The following ALPK1 variants were observed in gnomAD, a reference collection of about 807,000 sequenced individuals.
ALPK1 encodes alpha kinase 1, also known as alpha-protein kinase 1.
ALPK1 carries 110 observed loss-of-function variants against 120.6 expected under a neutral mutation model. The ratio of observed to expected loss-of-function variants is 0.91; its 90% confidence interval spans 0.78 to 1.07. The LOEUF (loss-of-function observed/expected upper bound fraction) is 1.07. ALPK1 is among the 50% of genes least tolerant of loss of function. The pLI, the probability that ALPK1 is intolerant of heterozygous loss-of-function variation, is 0.00. For missense variants in ALPK1, 1,498 were observed against 1,483.9 expected (o/e 1.01, Z -0.16); for synonymous variants, 582 against 560.3 (o/e 1.04, Z -0.55).
intron 2 of ALPK1, chr4:112,357,943 A>G: frequency 2.4e-6 from 2 of 816,764 alleles, no homozygotes; most frequent in East Asian, 2.6e-5. Context: ...CTAAGCAAGG[A>G]TTGCCTCCCC....
intron 5 of ALPK1, among the ~76,000 whole-genome samples, chr4:112,420,597 C>A (rs769573205): frequency 2.6e-5 from 4 of 152,138 alleles, no homozygotes; most frequent in Non-Finnish European, 5.9e-5. Context: ...AAGATAATTT[C>A]AATAGGCGCT....
Position 112,298,333 on chromosome 4 carries a change from AT to A in ALPK1, c.-153+865del, listed in dbSNP as rs138277174. On this transcript the variant is annotated intron_variant, in intron 1 of 15. Coordinates refer to ENST00000650871, the MANE Select transcript of ALPK1 (RefSeq NM_025144.4). ...CACTAATTCTCTTATAAGAAACAAT[AT>A]CCATTTAATTTGGGGTATAATTTAT... Among the ~76,000 whole-genome samples, 456 of 152,032 alleles carry A rather than the reference AT, an allele frequency of 3.0e-3. 1 individual carries two copies. The highest frequency in any genetic ancestry group is 0.011 in the African/African-American group (436 of 41,442).
At chr4:112,348,969 G>A (rs572118966) in intron 2 of ALPK1, among the ~76,000 whole-genome samples, 9 of 152,316 alleles carry the variant, frequency 5.9e-5, no homozygotes, top group Admixed American at 2.0e-4. Flanking sequence ...ACTTCAGGGC[G>A]CACTTCTCTG....
At position 112,438,545 on chromosome 4, in the gene ALPK1, C is replaced by T. The variant is rs749439534; in HGVS notation, c.3250C>T (p.Arg1084Ter). 6.8e-6 allele frequency: 11 copies of T among 1,613,664 alleles called. No homozygotes were observed. The highest frequency in any genetic ancestry group is 7.6e-6 in the Non-Finnish European group (9 of 1,179,820). Residue 1084 changes from arginine to a stop codon, truncating the protein, a stop_gained, in exon 13 of 16, where the codon CGA becomes TGA. Transcript: ENST00000650871. LOFTEE classifies it high-confidence loss of function. ...CTGGCACCACTTCACTGATGTGGAG[C>T]GACAGATGACCGCACAGCACTATGT... ...GLWHHFTDVE[R>*]QMTAQHYVTE...
intron 2 of ALPK1, among the ~76,000 whole-genome samples, chr4:112,365,814 A>C (rs922424927): frequency 1.3e-5 from 2 of 152,232 alleles, no homozygotes; most frequent in African/African-American, 4.8e-5. Context: ...CTATACTATA[A>C]GGCCATAGTC....
rs1733236733 is a variant in ALPK1 at position 112,407,431 on chromosome 4, G to T, written c.277-4396G>T. Among the ~76,000 whole-genome samples the T allele has an allele frequency of 2.0e-5, 3 of 152,076 alleles. No homozygotes were observed. The South Asian group carries it at 6.2e-4, about 32-fold the overall frequency. On this transcript the variant is annotated intron_variant, in intron 4 of 15. Transcript: ENST00000650871. Reference sequence around the variant, plus strand: ...AGGTTGAGGCTGCAGTGAGCTATATGATCAGCCACTGCACTCCAGCCTGGG... The same window carrying T: ...AGGTTGAGGCTGCAGTGAGCTATATTATCAGCCACTGCACTCCAGCCTGGG...
Position 112,411,542 on chromosome 4 carries a change from C to G in ALPK1, c.277-285C>G, listed in dbSNP as rs557911357. Among the ~76,000 whole-genome samples, 20 of 152,208 alleles carry G rather than the reference C, an allele frequency of 1.3e-4. No individual in the cohort carries two copies. The South Asian group carries it at 4.1e-3, about 32-fold the overall frequency. ...GCCCGGCCCTACTTTTTACCCTATG[C>G]GCTTTAGTATTGTTTGAGTTTTTAA... On this transcript the variant is annotated intron_variant, in intron 4 of 15. Coordinates refer to ENST00000650871, the MANE Select transcript of ALPK1 (RefSeq NM_025144.4).
At chr4:112,366,166 G>T (rs998397451) in intron 2 of ALPK1, among the ~76,000 whole-genome samples, 3 of 152,036 alleles carry the variant, frequency 2.0e-5, no homozygotes, top group Admixed American at 6.5e-5. Context: ...TCTTGACCAA[G>T]AACCCAAGAA....
chr4:112,438,696 T>C (rs530177909), intron 13 of ALPK1, 50 bp downstream of exon 13: 1 of 1,577,862 alleles, frequency 6.3e-7, no homozygotes, highest in East Asian at 2.2e-5. Context: ...CACACTTGAA[T>C]ATCAATTAAT....
intron 2 of ALPK1, among the ~76,000 whole-genome samples, chr4:112,361,419 G>A (rs1346667148): frequency 6.6e-6 from 1 of 152,218 alleles, no homozygotes; most frequent in East Asian, 1.9e-4. Context: ...CCAGGAAGCC[G>A]GGTGAGGCCT....
intron 5 of ALPK1, among the ~76,000 whole-genome samples, chr4:112,416,412 T>C (rs1476025376): frequency 1.3e-5 from 2 of 151,804 alleles, no homozygotes; most frequent in African/African-American, 4.8e-5. Flanking sequence ...AAAAAAAATG[T>C]TGAAAATGAA....
chr4:112,358,204 C>T, intron 2 of ALPK1: 2 of 607,948 alleles, frequency 3.3e-6, no homozygotes, highest in Non-Finnish European at 3.1e-6. Flanking sequence ...GCCAGGACAA[C>T]AGGGCTGTCT....
intron 2 of ALPK1, among the ~76,000 whole-genome samples, chr4:112,372,432 A>G (rs1352350125): frequency 6.6e-6 from 1 of 151,970 alleles, no homozygotes; most frequent in Non-Finnish European, 1.5e-5. Flanking sequence ...GATGGTCTCA[A>G]TCTCCTGACT....
intron 4 of ALPK1, chr4:112,384,489 A>G (rs529996908): frequency 2.0e-4 from 30 of 152,342 alleles, no homozygotes; most frequent in Middle Eastern, 3.4e-3. Context: ...ACATGTGGCC[A>G]GGGCTGCCAT....
intron 4 of ALPK1, among the ~76,000 whole-genome samples, chr4:112,392,767 G>T (rs1732476979): frequency 1.3e-5 from 2 of 152,176 alleles, no homozygotes; most frequent in African/African-American, 4.8e-5. Flanking sequence ...CTGAGCTCAA[G>T]TGATCCACCT....
At chr4:112,395,714 G>C (rs1732619053) in intron 4 of ALPK1, among the ~76,000 whole-genome samples, 1 of 152,182 alleles carries the variant, frequency 6.6e-6, no homozygotes, top group Non-Finnish European at 1.5e-5. Flanking sequence ...TAAAAATCTT[G>C]AATTAGTCCT....
At chr4:112,364,441 T>C (rs956791589) in intron 2 of ALPK1, among the ~76,000 whole-genome samples, 2 of 151,918 alleles carry the variant, frequency 1.3e-5, no homozygotes, top group African/African-American at 4.8e-5. Flanking sequence ...TACCTTTACA[T>C]GCATAAACTA....
chr4:112,413,720 G>A (rs866798106), intron 5 of ALPK1, among the ~76,000 whole-genome samples: 6 of 152,016 alleles, frequency 3.9e-5, no homozygotes, highest in Middle Eastern at 3.4e-3. Context: ...TGCCTGACCC[G>A]GTTTCCTTTT....
At chr4:112,319,825 T>C (rs1451785968) in intron 2 of ALPK1, among the ~76,000 whole-genome samples, 1 of 152,264 alleles carries the variant, frequency 6.6e-6, no homozygotes, top group Non-Finnish European at 1.5e-5. Context: ...GGTTGAGTTC[T>C]TGATTTGAAT....
Sources: gnomAD v4.1 joint callset for allele counts (sites outside exome capture counted in the v4.1 genomes callset) on GRCh38, gnomAD v4.1.1 for gene constraint, MANE v1.5 for transcripts, NCBI Gene and HGNC (gene_info 2026-07-23, HGNC 2026-07-21) for gene names.